Variants in ADCYAP1R1 observed in about 807,000 individuals in gnomAD.
ADCYAP1R1 encodes pituitary adenylate cyclase-activating polypeptide type I receptor.
In ADCYAP1R1, 44 loss-of-function variants were observed where a neutral mutation model predicts 67.6. The observed-to-expected ratio is 0.65, with a 90% confidence interval of 0.51 to 0.84. ADCYAP1R1 has a LOEUF of 0.84. ADCYAP1R1 is among the 40% of genes least tolerant of loss of function. ADCYAP1R1 has a pLI of 0.00. For missense variants in ADCYAP1R1, 477 were observed against 587.9 expected, an observed-to-expected ratio of 0.81 and a Z score of 1.95; for synonymous variants, 222 against 219.6, an observed-to-expected ratio of 1.01 and a Z score of -0.10.
intron 3 of ADCYAP1R1, 58 bp from the exon 4 acceptor site, chr7:31,077,933 G>A: frequency 1.8e-6 from 2 of 1,136,352 alleles, no homozygotes; most frequent in Non-Finnish European, 2.6e-6. Context: ...GTGTGTGGTG[G>A]TGTGTGTGTA....
At chr7:31,087,777 T>G in intron 12 of ADCYAP1R1, 81 bp downstream of exon 12, 1 of 1,149,912 alleles carries the variant, frequency 8.7e-7, no homozygotes, top group Non-Finnish European at 1.3e-6. Flanking sequence ...AATGAAAGAG[T>G]CCCCACACAA....
intron 5 of ADCYAP1R1, 134 bp from the exon 6 acceptor site, chr7:31,081,579 A>G (rs930818607): frequency 4.8e-6 from 3 of 624,602 alleles, no homozygotes; most frequent in Non-Finnish European, 5.6e-6. Context: ...TATGTGTGAT[A>G]TTGCCTCTTG....
chr7:31,101,742 G>A (rs1359417806), intron 13 of ADCYAP1R1, among the ~76,000 whole-genome samples: 3 of 152,330 alleles, frequency 2.0e-5, no homozygotes, highest in South Asian at 2.1e-4. Context: ...CATGGAACAG[G>A]CAGCTCCCTG....
chr7:31,063,298 C>G lies in ADCYAP1R1; in HGVS notation c.34C>G (p.Leu12Val), dbSNP rs144032219. Residue 12 changes from leucine (L) to valine (V), a missense_variant, in exon 2 of 16, where the codon CTC becomes GTC. Leu to Val is a conservative substitution (Grantham distance 32). Transcript: ENST00000304166. ...AGVVHVSLAA[L>V]LLLPMAPAMH... ...TGTCGTGCACGTTTCCCTGGCTGCT[C>G]TCCTCCTGCTGCCTATGGTAAGGGC... The G allele has an allele frequency of 9.8e-5, 158 of 1,614,162 alleles. No homozygotes were observed. In the African/African-American group the frequency reaches 2.0e-3, roughly 20 times the overall value.
chr7:31,069,076 G>GA (rs1562632649), intron 3 of ADCYAP1R1, among the ~76,000 whole-genome samples: 1 of 152,026 alleles, frequency 6.6e-6, no homozygotes, highest in African/African-American at 2.4e-5. Flanking sequence ...GGGTTGGGGG[G>GA]GTCCATGCAG....
intron 13 of ADCYAP1R1, among the ~76,000 whole-genome samples, chr7:31,097,816 G>A (rs1011053314): frequency 1.0e-5 from 1 of 95,520 alleles, no homozygotes; most frequent in African/African-American, 5.5e-5. Flanking sequence ...GATACAGTTG[G>A]GGGGGGGTCT....
chr7:31,064,395 C>G (rs975557691), intron 2 of ADCYAP1R1, among the ~76,000 whole-genome samples: 2 of 152,184 alleles, frequency 1.3e-5, no homozygotes, highest in African/African-American at 4.8e-5. Context: ...CCTACTGAGC[C>G]ATATGACTTT....
chr7:31,076,664 G>T (rs190523543), intron 3 of ADCYAP1R1, among the ~76,000 whole-genome samples: 5 of 152,130 alleles, frequency 3.3e-5, no homozygotes, highest in Non-Finnish European at 5.9e-5. Flanking sequence ...CTTGCTTGGC[G>T]CGTGCAGGCT....
chr7:31,092,612 G>A lies in ADCYAP1R1; in HGVS notation c.955-32G>A. On this transcript the variant is annotated intron_variant, in intron 12 of 15. Coordinates refer to ENST00000304166, the MANE Select transcript of ADCYAP1R1 (RefSeq NM_001118.5). ...TAATAGCATCTTTGCCCAGAATCAT[G>A]TCCATCTGCTTTTTTTTTTTTTGCT... 5.9e-6 allele frequency: 9 copies of A among 1,531,570 alleles called. No individual in the cohort carries two copies. In the East Asian group the frequency reaches 2.0e-4, roughly 34 times the overall value. 94.9% of individuals were successfully genotyped at this position (1,531,570 alleles called of 1,614,324 possible).
At position 31,055,428 on chromosome 7, in the gene ADCYAP1R1, T is replaced by C. The variant is rs539088660; in HGVS notation, c.-72+2750T>C. Among the ~76,000 whole-genome samples the C allele has an allele frequency of 1.5e-3, 226 of 152,228 alleles. 1 individual carries two copies. The highest frequency in any genetic ancestry group is 3.5e-4 in the Non-Finnish European group (24 of 68,026). On this transcript the variant is annotated intron_variant, in intron 1 of 15. Transcript: ENST00000304166. ...TTTCTGTAAAGTGCCAGATAGCAATTATTTTACGCTTGTGTCCATATACAA... is the reference window on the plus strand; with the variant it reads ...TTTCTGTAAAGTGCCAGATAGCAATCATTTTACGCTTGTGTCCATATACAA...
chr7:31,067,267 A>G (rs1346491411), intron 3 of ADCYAP1R1, among the ~76,000 whole-genome samples: 1 of 152,168 alleles, frequency 6.6e-6, no homozygotes, highest in Non-Finnish European at 1.5e-5. Context: ...CTTGAATCAT[A>G]GGGTGGGGCT....
intron 3 of ADCYAP1R1, among the ~76,000 whole-genome samples, chr7:31,066,651 C>G (rs1037836813): frequency 6.6e-6 from 1 of 151,992 alleles, no homozygotes; most frequent in Non-Finnish European, 1.5e-5. Context: ...TTCAGAAAAA[C>G]GTACTCCAGC....
rs1796703531 is a variant in ADCYAP1R1 at position 31,107,687 on chromosome 7, C to T, written c.*1003C>T. 1 of 152,354 alleles carries T rather than the reference C, an allele frequency of 6.6e-6. No individual in the cohort carries two copies. The highest frequency in any genetic ancestry group is 2.4e-5 in the African/African-American group (1 of 41,416). The allele number at this position is 152,354 out of a possible 1,614,324, so 9.4% of individuals were successfully genotyped here. Reference sequence around the variant, plus strand: ...CCACCTGCCTCTGATGTCGGCGAATCCTGAAGCACCTGCACCCGAATCTGG... The same window carrying T: ...CCACCTGCCTCTGATGTCGGCGAATTCTGAAGCACCTGCACCCGAATCTGG... On this transcript the variant is annotated 3_prime_UTR_variant, in exon 16 of 16. Coordinates refer to ENST00000304166, the MANE Select transcript of ADCYAP1R1 (RefSeq NM_001118.5).
intron 12 of ADCYAP1R1, among the ~76,000 whole-genome samples, chr7:31,090,861 A>G (rs922795154): frequency 1.3e-5 from 2 of 152,228 alleles, no homozygotes; most frequent in African/African-American, 4.8e-5. Context: ...GCTACTGTGA[A>G]TAGTGCTGTG....
intron 3 of ADCYAP1R1, among the ~76,000 whole-genome samples, chr7:31,068,367 G>A (rs1047913551): frequency 2.0e-5 from 3 of 152,126 alleles, no homozygotes; most frequent in African/African-American, 7.2e-5. Flanking sequence ...CCCCTCAGCC[G>A]GGAAGGTGGA....
intron 1 of ADCYAP1R1, among the ~76,000 whole-genome samples, chr7:31,060,419 T>C (rs578042449): frequency 6.6e-6 from 1 of 152,216 alleles, no homozygotes; most frequent in African/African-American, 2.4e-5. Context: ...TGTGCTTACA[T>C]CTGCACATAT....
At chr7:31,085,116 T>C (rs770359383) in intron 8 of ADCYAP1R1, among the ~76,000 whole-genome samples, 194 bp from the exon 9 acceptor site, 1 of 152,080 alleles carries the variant, frequency 6.6e-6, no homozygotes, top group Admixed American at 6.5e-5. Context: ...AGTCTGGCCA[T>C]GTGGGGTGGT....
intron 3 of ADCYAP1R1, among the ~76,000 whole-genome samples, chr7:31,067,305 CA>C (rs1794777191): frequency 1.3e-5 from 2 of 152,152 alleles, no homozygotes; most frequent in Admixed American, 1.3e-4. Context: ...GCTAATTAAG[CA>C]GAAGCAAAGG....
Position 31,110,165 on chromosome 7 carries a change from C to T in ADCYAP1R1, c.*3481C>T, listed in dbSNP as rs947068564. On this transcript the variant is annotated 3_prime_UTR_variant, in exon 16 of 16. Transcript: ENST00000304166. Reference sequence around the variant, plus strand: ...CTTTTTTTTTTTTTTTGAGTAGTACCCTTGCCCTCTTCATGGCCACTTCAA... The same window carrying T: ...CTTTTTTTTTTTTTTTGAGTAGTACTCTTGCCCTCTTCATGGCCACTTCAA... 2.7e-5 allele frequency: 4 copies of T among 149,676 alleles called. No individual in the cohort carries two copies. Among genetic ancestry groups the T allele is most frequent in the Non-Finnish European group, 5.9e-5 (4 of 67,652 alleles). The allele number at this position is 149,676 out of a possible 1,614,324, so 9.3% of individuals were successfully genotyped here. A position where few individuals can be genotyped will look rare whatever the true frequency, so the allele number is the denominator to read the frequency against.
Sources: gnomAD v4.1 joint callset for allele counts (sites outside exome capture counted in the v4.1 genomes callset) on GRCh38, gnomAD v4.1.1 for gene constraint, MANE v1.5 for transcripts, NCBI Gene and HGNC (gene_info 2026-07-23, HGNC 2026-07-21) for gene names.